Variants in PIP5K1C observed in about 807,000 individuals in gnomAD.
PIP5K1C encodes phosphatidylinositol 4-phosphate 5-kinase type-1 gamma.
A neutral mutation model predicts 80.1 loss-of-function variants in PIP5K1C; 45 were observed. That is an observed-to-expected ratio of 0.56 (90% CI 0.44 to 0.72). The LOEUF (loss-of-function observed/expected upper bound fraction) is 0.72, where lower values mean the gene tolerates loss of function less well. PIP5K1C is among the 30% of genes least tolerant of loss of function. The pLI is 0.00. For missense variants in PIP5K1C, 753 were observed against 954.6 expected, an observed-to-expected ratio of 0.79 and a Z score of 2.78; for synonymous variants, 498 against 420.1, an observed-to-expected ratio of 1.19 and a Z score of -2.27.
At chr19:3,695,009 G>T (rs1218095531) in intron 1 of PIP5K1C, among the ~76,000 whole-genome samples, 1 of 152,266 alleles carries the variant, frequency 6.6e-6, no homozygotes, top group Non-Finnish European at 1.5e-5. Context: ...ACCAAGGCCG[G>T]CAACGGAACA....
At chr19:3,690,173 G>A (rs1005001127) in intron 1 of PIP5K1C, among the ~76,000 whole-genome samples, 4 of 151,888 alleles carry the variant, frequency 2.6e-5, no homozygotes, top group Non-Finnish European at 4.4e-5. Flanking sequence ...TAGCATGAAG[G>A]TAAAGGCAGA....
In PIP5K1C at chr19:3,644,159, T is replaced by A. The variant is rs776893740; in HGVS notation, c.1438A>T (p.Ile480Phe). 2 of 1,612,068 alleles carry A rather than the reference T, an allele frequency of 1.2e-6. No individual in the cohort carries two copies. The highest frequency in any genetic ancestry group is 2.7e-5 in the African/African-American group (2 of 74,904). ...GPTAAFSASQ[I>F]PSEREEAQYD... ...TGGGCCTCCTCCCGCTCGCTAGGGA[T>A]CTGGCTGGCCGAGAAGGCAGCGGTG... The change falls in exon 12 of 18, where the codon ATC becomes TTC. Residue 480 changes from isoleucine (I) to phenylalanine (F), a missense_variant. Ile to Phe is a conservative substitution (Grantham distance 21, BLOSUM62 0). Coordinates refer to ENST00000335312, the MANE Select transcript of PIP5K1C (RefSeq NM_012398.3).
chr19:3,642,038 G>A (rs1337975420), intron 14 of PIP5K1C, among the ~76,000 whole-genome samples: 3 of 152,178 alleles, frequency 2.0e-5, no homozygotes, highest in South Asian at 2.1e-4. Flanking sequence ...GGGCATATGA[G>A]CAAATGGCAG....
chr19:3,646,962 G>A (rs1379868497), intron 10 of PIP5K1C, among the ~76,000 whole-genome samples: 7 of 149,734 alleles, frequency 4.7e-5, no homozygotes, highest in Admixed American at 2.0e-4. Context: ...GGGATGGGAG[G>A]AGGGGTGCAG....
At chr19:3,686,016 C>A (rs1018008842) in intron 1 of PIP5K1C, among the ~76,000 whole-genome samples, 2 of 151,910 alleles carry the variant, frequency 1.3e-5, no homozygotes, top group African/African-American at 4.8e-5. Flanking sequence ...CGCCACCACA[C>A]CTGGCTAATT....
chr19:3,672,199 G>A (rs775501024), intron 1 of PIP5K1C, among the ~76,000 whole-genome samples: 1 of 152,262 alleles, frequency 6.6e-6, no homozygotes, highest in Non-Finnish European at 1.5e-5. Context: ...GCTGAAGCCA[G>A]CTCGAGCCCT....
At chr19:3,695,369 G>A (rs938409285) in intron 1 of PIP5K1C, among the ~76,000 whole-genome samples, 2 of 152,204 alleles carry the variant, frequency 1.3e-5, no homozygotes, top group South Asian at 2.1e-4. Flanking sequence ...AACCTGGGAC[G>A]GAGGGGGCAC....
At chr19:3,660,338 C>A (rs2034790658) in intron 5 of PIP5K1C, among the ~76,000 whole-genome samples, 2 of 151,924 alleles carry the variant, frequency 1.3e-5, no homozygotes, top group African/African-American at 4.8e-5. Context: ...CGAGATCGCA[C>A]CACTGCACTC....
intron 1 of PIP5K1C, among the ~76,000 whole-genome samples, chr19:3,686,626 G>C (rs2035769300): frequency 6.6e-6 from 1 of 151,770 alleles, no homozygotes. Context: ...GCTGAGGCAG[G>C]AGAATCACTT....
rs1455627652 is a variant in PIP5K1C at position 3,632,970 on chromosome 19, G to C, written c.*197C>G. Reference sequence around the variant, plus strand: ...GTGGGTCTCACAGGGGCAGGCTGCCGACCGGGGTGCCGGGGCCCTGGGAGG... The same window carrying C: ...GTGGGTCTCACAGGGGCAGGCTGCCCACCGGGGTGCCGGGGCCCTGGGAGG... On this transcript the variant is annotated 3_prime_UTR_variant, in exon 18 of 18. Transcript: ENST00000335312. 7.6e-6 allele frequency: 4 copies of C among 529,788 alleles called. No individual in the cohort carries two copies. Among genetic ancestry groups the C allele is most frequent in the Non-Finnish European group, 1.3e-5 (4 of 298,544 alleles). The allele number at this position is 529,788 out of a possible 1,614,324, so 32.8% of individuals were successfully genotyped here. A position where few individuals can be genotyped will look rare whatever the true frequency, so the allele number is the denominator to read the frequency against.
intron 10 of PIP5K1C, 88 bp from the exon 11 acceptor site, chr19:3,646,146 T>G (rs1568319198): frequency 6.4e-6 from 5 of 780,878 alleles, no homozygotes; most frequent in East Asian, 2.6e-5. Context: ...TGTATGTGTG[T>G]GGGGGGCACC....
At chr19:3,687,548 C>T (rs1206709996) in intron 1 of PIP5K1C, among the ~76,000 whole-genome samples, 1 of 145,980 alleles carries the variant, frequency 6.9e-6, no homozygotes, top group Non-Finnish European at 1.5e-5. Flanking sequence ...CATACATGCA[C>T]ACATGCACAC....
At chr19:3,680,554 G>C (rs1469499164) in intron 1 of PIP5K1C, among the ~76,000 whole-genome samples, 2 of 152,174 alleles carry the variant, frequency 1.3e-5, no homozygotes, top group African/African-American at 4.8e-5. Flanking sequence ...CACTCACTTT[G>C]GCCTCCCAAA....
intron 15 of PIP5K1C, among the ~76,000 whole-genome samples, chr19:3,640,125 C>A (rs1427818945): frequency 6.6e-6 from 1 of 152,152 alleles, no homozygotes; most frequent in African/African-American, 2.4e-5. Flanking sequence ...AACAAAAATA[C>A]AAAAGCATCT....
chr19:3,656,571 A>G lies in PIP5K1C; in HGVS notation c.469-14T>C. 1 of 1,612,958 alleles carries G rather than the reference A, an allele frequency of 6.2e-7. No homozygotes were observed. The highest frequency in any genetic ancestry group is 1.1e-5 in the South Asian group (1 of 91,084). ...GCACAGGGAGTACTGGAAGCAGAGGAGGCGGGTCAGCGGGCCCCAAGCTGC... is the reference window on the plus strand; with the variant it reads ...GCACAGGGAGTACTGGAAGCAGAGGGGGCGGGTCAGCGGGCCCCAAGCTGC... On this transcript the variant is annotated splice_polypyrimidine_tract_variant and intron_variant, in intron 5 of 17. Coordinates refer to ENST00000335312, the MANE Select transcript of PIP5K1C (RefSeq NM_012398.3).
chr19:3,683,890 CACTGGA>C (rs2035669399), intron 1 of PIP5K1C, among the ~76,000 whole-genome samples: 2 of 142,630 alleles, frequency 1.4e-5, no homozygotes, highest in African/African-American at 2.7e-5. Flanking sequence ...ACCTCCCCCA[CACTGGA>C]GCCCCTGCTT....
chr19:3,651,959 C>T lies in PIP5K1C; in HGVS notation c.994G>A (p.Glu332Lys). ...GVHNIDQHER[E>K]RQAQGAQSTS... The stretch of plus-strand genomic sequence containing the variant: ...CTCTGGGCGCCCTGCGCCTGCCGCT[C>T]GCGCTCGTGCTGGTCGATGTTGTGC... The change falls in exon 8 of 18, where the codon GAG becomes AAG. Residue 332 changes from glutamate to lysine, a missense_variant. By Grantham distance (56) the Glu-to-Lys change is moderately conservative. Transcript: ENST00000335312. The T allele has an allele frequency of 3.1e-6, 5 of 1,613,086 alleles. No homozygotes were observed. Among genetic ancestry groups the T allele is most frequent in the Non-Finnish European group, 4.2e-6 (5 of 1,179,966 alleles).
chr19:3,684,876 T>C (rs2035704958), intron 1 of PIP5K1C, among the ~76,000 whole-genome samples: 1 of 152,190 alleles, frequency 6.6e-6, no homozygotes, highest in Non-Finnish European at 1.5e-5. Flanking sequence ...CTTCCACCAC[T>C]GTAGACACGT....
rs906756820 is a variant in PIP5K1C at position 3,696,694 on chromosome 19, A to AGCAGAGTGCAGACGGGAGGGCAGGGAGG, written c.94+3575_94+3602dup. Among the ~76,000 whole-genome samples, 1 of 129,656 alleles carries AGCAGAGTGCAGACGGGAGGGCAGGGAGG rather than the reference A, an allele frequency of 7.7e-6. No individual in the cohort carries two copies. Among genetic ancestry groups the AGCAGAGTGCAGACGGGAGGGCAGGGAGG allele is most frequent in the Non-Finnish European group, 1.6e-5 (1 of 62,940 alleles). 85.1% of individuals were successfully genotyped at this position (129,656 alleles called of 152,430 possible). On this transcript the variant is annotated intron_variant, in intron 1 of 17. Coordinates refer to ENST00000335312, the MANE Select transcript of PIP5K1C (RefSeq NM_012398.3). This position sits in a 1 kb window ranked among gnomAD's most constrained non-coding sequence, Gnocchi z 4.1. ...AACAGCAAGGGGCCCATGGGCCTAC[A>AGCAGAGTGCAGACGGGAGGGCAGGGAGG]GCAGAGTGCAGACGGGAGGGCAGGG...
Sources: gnomAD v4.1 joint callset for allele counts (sites outside exome capture counted in the v4.1 genomes callset) on GRCh38, gnomAD v4.1.1 for gene constraint, Gnocchi (gnomAD v3.1) non-coding constraint, MANE v1.5 for transcripts, NCBI Gene and HGNC (gene_info 2026-07-23, HGNC 2026-07-21) for gene names.